Variants in HP1BP3 observed in about 807,000 individuals in gnomAD.
HP1BP3 encodes heterochromatin protein 1 binding protein 3.
HP1BP3 carries 12 observed loss-of-function variants against 62.5 expected under a neutral mutation model. The ratio of observed to expected loss-of-function variants is 0.19; its 90% CI spans 0.12 to 0.31. HP1BP3 has a LOEUF of 0.31. HP1BP3 is among the 10% of genes least tolerant of loss of function. HP1BP3 has a pLI of 1.00. For synonymous variants in HP1BP3, 260 were observed against 237.8 expected (o/e 1.09, Z -0.86); for missense variants, 502 against 651.8 (o/e 0.77, Z 2.50).
rs975669050 is a variant in HP1BP3, at chr1:20,741,211, T to C, written c.*3586A>G. On this transcript the variant is annotated 3_prime_UTR_variant, in exon 13 of 13. Coordinates refer to ENST00000438032, the MANE Select transcript of HP1BP3 (RefSeq NM_001372052.1). ...CAAAGATAGGAGACCTTAACTATAA[T>C]CCCAAATTTTTAAAGTTTCTCTTAG... 6.6e-6 allele frequency among the ~76,000 whole-genome samples: 1 copy of C among 152,228 alleles called. No individual in the cohort carries two copies. Among genetic ancestry groups the C allele is most frequent in the Non-Finnish European group, 1.5e-5 (1 of 68,034 alleles).
intron 8 of HP1BP3, among the ~76,000 whole-genome samples, chr1:20,759,287 C>A (rs1274503149): frequency 6.6e-6 from 1 of 152,128 alleles, no homozygotes; most frequent in Non-Finnish European, 1.5e-5. Context: ...GTAATCCCAG[C>A]TACTTGGGAG....
At chr1:20,756,603 A>G (rs942195614) in intron 9 of HP1BP3, among the ~76,000 whole-genome samples, 1 of 152,214 alleles carries the variant, frequency 6.6e-6, no homozygotes, top group South Asian at 2.1e-4. Context: ...GGGGGAGGAC[A>G]GCTATTTTTC....
intron 12 of HP1BP3, 28 bp downstream of exon 12, chr1:20,745,515 C>A: frequency 1.2e-6 from 2 of 1,610,734 alleles, no homozygotes; most frequent in Non-Finnish European, 1.7e-6. Context: ...TAGTGTCCTC[C>A]CCACAAGGGG....
Position 20,744,739 on chromosome 1 carries a change from C to G in HP1BP3, c.*58G>C. ...AGCATCAAAACTAAACAAATGCACACTGACCTTAGAAAATAAGATTTTGAA... is the reference window on the plus strand; with the variant it reads ...AGCATCAAAACTAAACAAATGCACAGTGACCTTAGAAAATAAGATTTTGAA... On this transcript the variant is annotated 3_prime_UTR_variant, in exon 13 of 13. Coordinates refer to ENST00000438032, the MANE Select transcript of HP1BP3 (RefSeq NM_001372052.1). The G allele has an allele frequency of 6.9e-7, 1 of 1,446,298 alleles. No individual in the cohort carries two copies. Among genetic ancestry groups the G allele is most frequent in the East Asian group, 2.3e-5 (1 of 44,068 alleles). 89.6% of individuals were successfully genotyped at this position (1,446,298 alleles called of 1,614,324 possible).
rs1369656936 is a variant in HP1BP3, at chr1:20,787,281, G to A, written c.-187C>T. On this transcript the variant is annotated 5_prime_UTR_variant, in exon 1 of 13. Transcript: ENST00000438032. ...GCCGCTAGTCGCCTCCGCCACCGCT[G>A]TCCTCCAGTCCCAGCCGCCGAGCTC... 1 of 151,166 alleles carries A rather than the reference G, an allele frequency of 6.6e-6. No homozygotes were observed. The highest frequency in any genetic ancestry group is 1.8e-4 in the South Asian group (1 of 5,572). The allele number at this position is 151,166 out of a possible 1,614,324, so 9.4% of individuals were successfully genotyped here.
intron 11 of HP1BP3, 58 bp from the exon 12 acceptor site, chr1:20,745,714 G>C: frequency 1.3e-6 from 2 of 1,580,992 alleles, no homozygotes; most frequent in Non-Finnish European, 1.7e-6. Flanking sequence ...GAAAAATAAT[G>C]TGAACCTAGA....
At position 20,744,806 on chromosome 1, in the gene HP1BP3, C is replaced by T. The variant is rs1317840168; in HGVS notation, c.1653G>A (p.Val551=). The change falls in exon 13 of 13, where the codon GTG becomes GTA. Residue 551 remains valine (V), a synonymous_variant. Coordinates refer to ENST00000438032, the MANE Select transcript of HP1BP3 (RefSeq NM_001372052.1). ...TTTTTTCCTATAAAATTTACTTTTT[C>T]ACTCTGAAAGACTTCTTCATGGTGG... ...GKSTMKKSFR[V]KK 2 of 1,592,954 alleles carry T rather than the reference C, an allele frequency of 1.3e-6. No individual in the cohort carries two copies. Among genetic ancestry groups the T allele is most frequent in the South Asian group, 1.2e-5 (1 of 86,888 alleles).
At chr1:20,749,389 G>A (rs368351627) in intron 10 of HP1BP3, among the ~76,000 whole-genome samples, 2 of 138,512 alleles carry the variant, frequency 1.4e-5, no homozygotes, top group East Asian at 2.1e-4. Flanking sequence ...ACATAGTCTC[G>A]CAACTATTGT....
chr1:20,760,286 C>T (rs916529373), intron 8 of HP1BP3, among the ~76,000 whole-genome samples: 1 of 152,098 alleles, frequency 6.6e-6, no homozygotes, highest in African/African-American at 2.4e-5. Flanking sequence ...CACCTGTAAT[C>T]CCAACACCTG....
At chr1:20,756,933 C>T (rs2056147853) in intron 9 of HP1BP3, among the ~76,000 whole-genome samples, 1 of 152,164 alleles carries the variant, frequency 6.6e-6, no homozygotes, top group Admixed American at 6.5e-5. Context: ...TGGTCTCGAA[C>T]TCCCAACCGC....
chr1:20,787,016 A>T (rs2057874340), intron 1 of HP1BP3, among the ~76,000 whole-genome samples, 179 bp downstream of exon 1: 1 of 151,588 alleles, frequency 6.6e-6, no homozygotes, highest in African/African-American at 2.4e-5. Flanking sequence ...AGAGGAAGGG[A>T]GCGGGGCGGA....
intron 10 of HP1BP3, among the ~76,000 whole-genome samples, chr1:20,748,793 T>G (rs868709481): frequency 2.0e-5 from 3 of 152,070 alleles, no homozygotes; most frequent in African/African-American, 7.2e-5. Context: ...AAATTACCTT[T>G]TAATTACAAT....
intron 1 of HP1BP3, among the ~76,000 whole-genome samples, chr1:20,783,597 T>C (rs545571279): frequency 6.6e-6 from 1 of 151,386 alleles, no homozygotes; most frequent in African/African-American, 2.4e-5. Flanking sequence ...TAGTAAAAGC[T>C]GTAGAACTTC....
At position 20,741,001 on chromosome 1, in the gene HP1BP3, T is replaced by C. The variant is rs1468705197; in HGVS notation, c.*3796A>G. Among the ~76,000 whole-genome samples, 1 of 152,212 alleles carries C rather than the reference T, an allele frequency of 6.6e-6. No individual in the cohort carries two copies. The highest frequency in any genetic ancestry group is 2.4e-5 in the African/African-American group (1 of 41,462). Reference sequence around the variant, plus strand: ...TTCCTTGGCTTTGGCTCTGCAGAAGTGAGTGACCATCTGTTCCACCATGAA... The same window carrying C: ...TTCCTTGGCTTTGGCTCTGCAGAAGCGAGTGACCATCTGTTCCACCATGAA... On this transcript the variant is annotated 3_prime_UTR_variant, in exon 13 of 13. Transcript: ENST00000438032.
intron 1 of HP1BP3, chr1:20,786,778 G>C (rs2154542157): frequency 6.6e-6 from 1 of 152,366 alleles, no homozygotes; most frequent in East Asian, 1.9e-4. Flanking sequence ...GTGAGGGGAG[G>C]GCGCGGGCGG....
At chr1:20,762,366 G>A (rs2056531810) in intron 8 of HP1BP3, among the ~76,000 whole-genome samples, 1 of 151,984 alleles carries the variant, frequency 6.6e-6, no homozygotes, top group African/African-American at 2.4e-5. Context: ...AAGGCACACT[G>A]GTAGCAACAC....
intron 5 of HP1BP3, 146 bp downstream of exon 5, chr1:20,773,303 CAT>C: frequency 2.0e-6 from 1 of 496,084 alleles, no homozygotes. Flanking sequence ...ATTAGAAAAA[CAT>C]GAACTTATAA....
rs559064217 is a variant in HP1BP3, at chr1:20,776,233, G to A, written c.350+364C>T. ...ACAACCCACTCCTGGCACAGAAGTA[G>A]GAATAAAATAGTGAAATGTCTTCTA... On this transcript the variant is annotated intron_variant, in intron 4 of 12. Transcript: ENST00000438032. 6 of 446,460 alleles carry A rather than the reference G, an allele frequency of 1.3e-5. No individual in the cohort carries two copies. The East Asian group carries it at 2.1e-4, about 15-fold the overall frequency. The allele number at this position is 446,460 out of a possible 1,614,324, so 27.7% of individuals were successfully genotyped here.
rs763762787 is a variant in HP1BP3, at chr1:20,744,780, C to CT, written c.*16dup. On this transcript the variant is annotated 3_prime_UTR_variant, in exon 13 of 13. Transcript: ENST00000438032. ...AGATTTTGAATTTCATCATGATACC[C>CT]TTTTTTCCTATAAAATTTACTTTTT... 1.9e-6 allele frequency: 3 copies of CT among 1,584,938 alleles called. No individual in the cohort carries two copies. Among genetic ancestry groups the CT allele is most frequent in the Admixed American group, 1.8e-5 (1 of 54,442 alleles).
Sources: allele counts gnomAD v4.1 joint callset (sites outside exome capture counted in the v4.1 genomes callset), GRCh38; gene constraint gnomAD v4.1.1; transcripts MANE v1.5; gene names NCBI Gene and HGNC (gene_info 2026-07-23, HGNC 2026-07-21).